LIX1: variants seen among roughly 807,000 people sequenced by gnomAD.
LIX1 encodes protein limb expression 1 homolog.
In LIX1, 24 loss-of-function variants were observed where a neutral mutation model predicts 33.4. The observed-to-expected ratio is 0.72, with a 90% CI of 0.52 to 1.01. The LOEUF is 1.01. Ranked by LOEUF, LIX1 falls within the 50% of genes least tolerant of loss-of-function variation. LIX1 has a pLI of 0.00. For synonymous variants in LIX1, 124 were observed against 124.0 expected, an observed-to-expected ratio of 1.00 and a Z score of 0.00; for missense variants, 311 against 339.2, an observed-to-expected ratio of 0.92 and a Z score of 0.65.
intron 3 of LIX1, 57 bp from the exon 4 acceptor site, chr5:97,105,342 T>C: frequency 1.4e-6 from 2 of 1,418,366 alleles, no homozygotes; most frequent in Non-Finnish European, 2.0e-6. Context: ...CTTCTTTGAA[T>C]GGTCACAAAT....
At chr5:97,129,009 G>A (rs1359150691) in intron 1 of LIX1, among the ~76,000 whole-genome samples, 4 of 152,066 alleles carry the variant, frequency 2.6e-5, no homozygotes, top group African/African-American at 9.7e-5. Context: ...ATTAACTATG[G>A]AATGAATAAC....
Position 97,111,793 on chromosome 5 carries a change from G to A in LIX1, c.247-4293C>T, listed in dbSNP as rs543701729. ...GTACTAGATCAAAAGCACCACATAC[G>A]TTTACAACCAAATGGCACTGCTCGG... On this transcript the variant is annotated intron_variant, in intron 2 of 5. Coordinates refer to ENST00000274382, the MANE Select transcript of LIX1 (RefSeq NM_153234.5). 7.2e-5 allele frequency among the ~76,000 whole-genome samples: 11 copies of A among 152,220 alleles called. No homozygotes were observed. The South Asian group carries it at 1.5e-3, about 20-fold the overall frequency.
At chr5:97,121,183 A>G (rs1387484079) in intron 2 of LIX1, among the ~76,000 whole-genome samples, 1 of 152,216 alleles carries the variant, frequency 6.6e-6, no homozygotes, top group Non-Finnish European at 1.5e-5. Context: ...CAGATAGTGT[A>G]CATATGCAGT....
At chr5:97,122,380 G>A (rs1011076858) in intron 2 of LIX1, among the ~76,000 whole-genome samples, 5 of 151,816 alleles carry the variant, frequency 3.3e-5, no homozygotes, top group South Asian at 2.1e-4. Context: ...TTCTACTCTC[G>A]TCTCCCGGAA....
intron 2 of LIX1, among the ~76,000 whole-genome samples, chr5:97,123,129 C>A (rs573351672): frequency 1.3e-5 from 2 of 152,296 alleles, no homozygotes; most frequent in South Asian, 4.1e-4. Context: ...TTATTTCCCC[C>A]ACTAAAACTG....
intron 2 of LIX1, among the ~76,000 whole-genome samples, chr5:97,115,463 A>G (rs1747611093): frequency 6.6e-6 from 1 of 152,170 alleles, no homozygotes; most frequent in Non-Finnish European, 1.5e-5. Flanking sequence ...TTTGTATTAG[A>G]AAATAGGCAG....
chr5:97,110,158 A>G (rs1580223091), intron 2 of LIX1, among the ~76,000 whole-genome samples: 3 of 152,324 alleles, frequency 2.0e-5, no homozygotes, highest in East Asian at 3.9e-4. Context: ...AGGACTCTCC[A>G]TACTGTTTTT....
Position 97,094,231 on chromosome 5 carries a change from G to A in LIX1, c.*517C>T, listed in dbSNP as rs1746221357. ...TAAAATCCCCACTGTAGTTTGCAGT[G>A]TATCTAGTAGGACATAAACTATTGC... On this transcript the variant is annotated 3_prime_UTR_variant, in exon 6 of 6. Coordinates refer to ENST00000274382, the MANE Select transcript of LIX1 (RefSeq NM_153234.5). 1 of 152,512 alleles carries A rather than the reference G, an allele frequency of 6.6e-6. No homozygotes were observed. The highest frequency in any genetic ancestry group is 2.4e-5 in the African/African-American group (1 of 41,316). 9.4% of individuals were successfully genotyped at this position (152,512 alleles called of 1,614,324 possible).
chr5:97,121,712 T>G (rs1747788872), intron 2 of LIX1, among the ~76,000 whole-genome samples: 1 of 152,190 alleles, frequency 6.6e-6, no homozygotes, highest in Admixed American at 6.5e-5. Context: ...CTTGAATTGT[T>G]TTGTTCTTTT....
intron 1 of LIX1, among the ~76,000 whole-genome samples, chr5:97,134,116 T>G (rs1748121452): frequency 1.3e-5 from 2 of 152,184 alleles, no homozygotes; most frequent in African/African-American, 4.8e-5. Context: ...TTCAAGATGA[T>G]TACCATATAT....
chr5:97,117,403 G>A (rs1412424955), intron 2 of LIX1, among the ~76,000 whole-genome samples: 1 of 152,206 alleles, frequency 6.6e-6, no homozygotes, highest in Non-Finnish European at 1.5e-5. Context: ...CCCTATTTGG[G>A]ATGTGGAATG....
At chr5:97,137,452 A>C (rs1748195158) in intron 1 of LIX1, among the ~76,000 whole-genome samples, 1 of 152,102 alleles carries the variant, frequency 6.6e-6, no homozygotes, top group East Asian at 1.9e-4. Context: ...AAACTCTGTC[A>C]AATGTATATT....
chr5:97,105,459 G>A (rs1192238176), intron 3 of LIX1, among the ~76,000 whole-genome samples, 174 bp from the exon 4 acceptor site: 4 of 152,172 alleles, frequency 2.6e-5, no homozygotes, highest in Non-Finnish European at 4.4e-5. Context: ...TGAATTGAGC[G>A]TTTGATAGAA....
chr5:97,126,656 T>G (rs1279718352), intron 1 of LIX1, among the ~76,000 whole-genome samples: 1 of 149,072 alleles, frequency 6.7e-6, no homozygotes, highest in Non-Finnish European at 1.5e-5. Context: ...TTTTTTTTTT[T>G]TGAGACAGAG....
At chr5:97,135,052 A>G (rs964264393) in intron 1 of LIX1, among the ~76,000 whole-genome samples, 18 of 150,768 alleles carry the variant, frequency 1.2e-4, no homozygotes, top group African/African-American at 4.4e-4. Flanking sequence ...TTTCATTCCC[A>G]CTCCTTACCC....
chr5:97,104,867 G>C (rs1450308082), intron 4 of LIX1, among the ~76,000 whole-genome samples: 1 of 152,148 alleles, frequency 6.6e-6, no homozygotes, highest in Non-Finnish European at 1.5e-5. Flanking sequence ...CAACCAACAT[G>C]TCAAACTGTT....
chr5:97,098,535 T>G (rs973602881), intron 4 of LIX1, among the ~76,000 whole-genome samples: 2 of 152,208 alleles, frequency 1.3e-5, no homozygotes, highest in Non-Finnish European at 2.9e-5. Context: ...GGAACTTTCA[T>G]GTCTTAAAAA....
rs537052823 is a variant in LIX1 at position 97,104,958 on chromosome 5, A to G, written c.483+232T>C. Among the ~76,000 whole-genome samples the G allele has an allele frequency of 2.6e-5, 4 of 152,312 alleles. No homozygotes were observed. The South Asian group carries it at 6.2e-4, about 24-fold the overall frequency. ...CCCTTATTTCTTAGATTTGTGTTTT[A>G]CTTTCTTTTATAAAAGCAAAGATTG... On this transcript the variant is annotated intron_variant, in intron 4 of 5. Coordinates refer to ENST00000274382, the MANE Select transcript of LIX1 (RefSeq NM_153234.5).
At chr5:97,109,010 T>C in intron 2 of LIX1, among the ~76,000 whole-genome samples, 1 of 152,146 alleles carries the variant, frequency 6.6e-6, no homozygotes. Context: ...CTGCCCTCTG[T>C]TGACTATCTC....
Sources: gnomAD v4.1 joint callset for allele counts (sites outside exome capture counted in the v4.1 genomes callset) on GRCh38, gnomAD v4.1.1 for gene constraint, MANE v1.5 for transcripts, NCBI Gene and HGNC (gene_info 2026-07-23, HGNC 2026-07-21) for gene names.